The following BMP7 variants were observed in gnomAD, a reference collection of about 807,000 sequenced individuals.
BMP7 encodes the protein bone morphogenetic protein 7.
A neutral mutation model predicts 41.2 loss-of-function variants in BMP7; 12 were observed. The ratio of observed to expected loss-of-function variants is 0.29; its 90% CI spans 0.19 to 0.47. BMP7 has a LOEUF of 0.47. Ranked by LOEUF, BMP7 falls within the 20% of genes least tolerant of loss-of-function variation. The probability of loss-of-function intolerance (pLI) is 0.99; values close to 1 mark genes in which losing one functional copy is unlikely to be tolerated. For missense variants in BMP7, 467 were observed against 606.0 expected (o/e 0.77, Z 2.41); for synonymous variants, 248 against 250.0 (o/e 0.99, Z 0.07).
At chr20:57,246,745 T>C (rs2066092053) in intron 1 of BMP7, among the ~76,000 whole-genome samples, 2 of 152,160 alleles carry the variant, frequency 1.3e-5, no homozygotes, top group African/African-American at 4.8e-5. Flanking sequence ...TCCCAGCACT[T>C]TGGGAGGCCG....
chr20:57,260,201 A>G (rs931940309), intron 1 of BMP7, among the ~76,000 whole-genome samples: 5 of 152,188 alleles, frequency 3.3e-5, no homozygotes, highest in African/African-American at 9.7e-5. Context: ...GCAAGTGCCC[A>G]CTTCGCAATT....
At chr20:57,231,230 G>A (rs550236702) in intron 1 of BMP7, among the ~76,000 whole-genome samples, 7 of 152,288 alleles carry the variant, frequency 4.6e-5, no homozygotes, top group African/African-American at 1.7e-4. Context: ...CCACGTCACC[G>A]TGCATGTTCA....
At chr20:57,176,165 T>A (rs981161483) in intron 4 of BMP7, among the ~76,000 whole-genome samples, 5 of 152,160 alleles carry the variant, frequency 3.3e-5, no homozygotes, top group South Asian at 2.1e-4. Flanking sequence ...GGAGAGACAT[T>A]CATTCTCTTC....
At chr20:57,193,246 C>T (rs143778411) in intron 3 of BMP7, among the ~76,000 whole-genome samples, 88 of 152,344 alleles carry the variant, frequency 5.8e-4, no homozygotes, top group Non-Finnish European at 8.4e-4. Flanking sequence ...ACTCTCTGAG[C>T]TGCCTTTTAG....
rs1470819865 is a variant in BMP7 at position 57,224,610 on chromosome 20, A to G, written c.611+3619T>C. On this transcript the variant is annotated intron_variant, in intron 2 of 6. Transcript: ENST00000395863. This position sits in a 1 kb window ranked among gnomAD's most constrained non-coding sequence, Gnocchi z 4.8. ...AACCAAAGTCTGCACCAATGGAGAC[A>G]GGAGCAAGTCCAGCTCCTGGAAGCC... 6.6e-6 allele frequency: 1 copy of G among 152,376 alleles called. No homozygotes were observed. The highest frequency in any genetic ancestry group is 1.5e-5 in the Non-Finnish European group (1 of 68,144). 9.4% of individuals were successfully genotyped at this position (152,376 alleles called of 1,614,324 possible).
intron 1 of BMP7, among the ~76,000 whole-genome samples, chr20:57,230,071 T>C (rs2180782): frequency 0.25 from 38,453 of 151,978 alleles, 5,994 homozygotes; most frequent in African/African-American, 0.43. Context: ...AAGATGACCT[T>C]TGAACCACAG....
At chr20:57,233,472 GA>G (rs1237758636) in intron 1 of BMP7, among the ~76,000 whole-genome samples, 1 of 152,198 alleles carries the variant, frequency 6.6e-6, no homozygotes, top group Non-Finnish European at 1.5e-5. Flanking sequence ...CCAGCCCTAA[GA>G]GGGGAAATTC....
chr20:57,170,661 A>G lies in BMP7; in HGVS notation c.*298T>C, dbSNP rs1416993456. 7.6e-6 allele frequency: 3 copies of G among 392,994 alleles called. No individual in the cohort carries two copies. Among genetic ancestry groups the G allele is most frequent in the South Asian group, 2.1e-5 (1 of 46,834 alleles). 24.3% of individuals were successfully genotyped at this position (392,994 alleles called of 1,614,324 possible). A position where few individuals can be genotyped will look rare whatever the true frequency, so the allele number is the denominator to read the frequency against. Reference sequence around the variant, plus strand: ...ATTACCTCTGGAAACGAGTCCGTGCATGGCTGAGACTTCCCAGCCAATGAC... The same window carrying G: ...ATTACCTCTGGAAACGAGTCCGTGCGTGGCTGAGACTTCCCAGCCAATGAC... On this transcript the variant is annotated 3_prime_UTR_variant, in exon 7 of 7. Coordinates refer to ENST00000395863, the MANE Select transcript of BMP7 (RefSeq NM_001719.3).
intron 3 of BMP7, among the ~76,000 whole-genome samples, chr20:57,199,344 G>A (rs1176515952): frequency 6.6e-6 from 1 of 152,212 alleles, no homozygotes; most frequent in East Asian, 1.9e-4. Flanking sequence ...TTGTCACTGG[G>A]CCAGGCCTCA....
At chr20:57,202,692 G>A in intron 2 of BMP7, 69 bp from the exon 3 acceptor site, 1 of 1,480,070 alleles carries the variant, frequency 6.8e-7, no homozygotes, top group Non-Finnish European at 9.2e-7. Context: ...CCAACAGATG[G>A]GAAGCAGAGC....
chr20:57,180,158 G>A (rs951463724), intron 4 of BMP7, among the ~76,000 whole-genome samples: 5 of 152,198 alleles, frequency 3.3e-5, no homozygotes, highest in African/African-American at 9.6e-5. Flanking sequence ...CTTTCTTAGA[G>A]CAGCCAGAAT....
intron 1 of BMP7, among the ~76,000 whole-genome samples, chr20:57,233,235 C>T (rs1267264038): frequency 6.6e-6 from 1 of 152,132 alleles, no homozygotes; most frequent in African/African-American, 2.4e-5. Context: ...TTTCCTCCCT[C>T]TACCTCCAGT....
chr20:57,176,160 G>A (rs1280114778), intron 4 of BMP7, among the ~76,000 whole-genome samples: 1 of 152,216 alleles, frequency 6.6e-6, no homozygotes, highest in African/African-American at 2.4e-5. Flanking sequence ...CCCATGGAGA[G>A]ACATTCATTC....
intron 1 of BMP7, among the ~76,000 whole-genome samples, chr20:57,233,721 G>C (rs118082335): frequency 0.027 from 4,137 of 152,248 alleles, 78 homozygotes; most frequent in Middle Eastern, 0.041. Context: ...AGTTATAGTT[G>C]TCTGATACAA....
intron 2 of BMP7, among the ~76,000 whole-genome samples, chr20:57,227,352 G>T (rs2066011292): frequency 6.6e-6 from 1 of 152,168 alleles, no homozygotes; most frequent in Non-Finnish European, 1.5e-5. Context: ...CTCAAGAACA[G>T]TTTTGTTTTC....
intron 3 of BMP7, among the ~76,000 whole-genome samples, chr20:57,199,902 G>A (rs1286475299): frequency 1.3e-5 from 2 of 152,238 alleles, no homozygotes; most frequent in African/African-American, 4.8e-5. Flanking sequence ...CCCTGCCCAG[G>A]AGGAGCAAAG....
chr20:57,207,115 C>T (rs1195644282), intron 2 of BMP7, among the ~76,000 whole-genome samples: 3 of 152,188 alleles, frequency 2.0e-5, no homozygotes, highest in African/African-American at 7.2e-5. Flanking sequence ...CCAGTAGGAC[C>T]CAGTGGAACT....
rs1343148198 is a variant in BMP7, at chr20:57,214,936, A to T, written c.612-12313T>A. The T allele has an allele frequency of 6.6e-6, 1 of 152,282 alleles. No individual in the cohort carries two copies. The highest frequency in any genetic ancestry group is 2.4e-5 in the African/African-American group (1 of 41,464). The allele number at this position is 152,282 out of a possible 1,614,324, so 9.4% of individuals were successfully genotyped here. The stretch of plus-strand genomic sequence containing the variant: ...GGACAAATGTGCTGGTATCCTCTGC[A>T]TCCTTATGGCCAGTAAGGTTTTCTG... On this transcript the variant is annotated intron_variant, in intron 2 of 6. Transcript: ENST00000395863. This position sits in a 1 kb window ranked among gnomAD's most constrained non-coding sequence, Gnocchi z 4.0.
In BMP7 at chr20:57,265,879, A is replaced by T; in HGVS notation, c.244T>A (p.Phe82Ile). 1 of 1,603,442 alleles carries T rather than the reference A, an allele frequency of 6.2e-7. No homozygotes were observed. The highest frequency in any genetic ancestry group is 2.2e-5 in the East Asian group (1 of 44,486). ...ATGGCGTTGTACAGGTCCAGCATGA[A>T]CATGGGTGCCGAGTTGTGCTTGCCC... ...LQGKHNSAPM[F>I]MLDLYNAMAV... is the part of the protein sequence containing the mutation. The change falls in exon 1 of 7, where the codon TTC (phenylalanine) becomes ATC (isoleucine). Residue 82 changes from phenylalanine to isoleucine, a missense_variant. Transcript: ENST00000395863.
Sources: allele counts gnomAD v4.1 joint callset (sites outside exome capture counted in the v4.1 genomes callset), GRCh38; gene constraint gnomAD v4.1.1; non-coding constraint Gnocchi (gnomAD v3.1); transcripts MANE v1.5; gene names NCBI Gene and HGNC (gene_info 2026-07-23, HGNC 2026-07-21).